The following CHERP variants were observed in gnomAD, a reference collection of about 807,000 sequenced individuals.
CHERP encodes ERPROT 213-21.
A neutral mutation model predicts 113.8 loss-of-function variants in CHERP; 8 were observed. That is an observed-to-expected ratio of 0.07 (90% CI 0.04 to 0.13). The LOEUF is 0.13. CHERP is among the 10% of genes least tolerant of loss of function. The probability of loss-of-function intolerance (pLI) is 1.00; values close to 1 mark genes in which losing one functional copy is unlikely to be tolerated. For synonymous variants in CHERP, 559 were observed against 524.5 expected (o/e 1.07, Z -0.90); for missense variants, 884 against 1,298.2 (o/e 0.68, Z 4.90).
rs536324751 is a variant in CHERP, at chr19:16,542,264, C to T, written c.25+90G>A. 1.1e-3 allele frequency: 1,366 copies of T among 1,249,302 alleles called. 26 individuals are homozygous for T. The South Asian group carries it at 0.023, about 21-fold the overall frequency. The allele number at this position is 1,249,302 out of a possible 1,614,324, so 77.4% of individuals were successfully genotyped here. On this transcript the variant is annotated intron_variant, in intron 1 of 16. Transcript: ENST00000546361. The stretch of plus-strand genomic sequence containing the variant: ...AAGCCGCGAGGCCGAGCCCCGCCCC[C>T]TCCCAGACCCGGGGACTCCGGGAGG...
Position 16,532,466 on chromosome 19 carries a change from G to A in CHERP, c.674+132C>T. 1 of 1,156,294 alleles carries A rather than the reference G, an allele frequency of 8.6e-7. No individual in the cohort carries two copies. The highest frequency in any genetic ancestry group is 1.2e-6 in the Non-Finnish European group (1 of 846,734). 71.6% of individuals were successfully genotyped at this position (1,156,294 alleles called of 1,614,324 possible). On this transcript the variant is annotated intron_variant, in intron 5 of 16. Transcript: ENST00000546361. The surrounding 1 kb of genome is among the most constrained non-coding windows in gnomAD (Gnocchi z 4.4). ...TGGCTCACAGAGACCCCCCACCCGG[G>A]GTCCCCGGACAAGTGCCCCCTAGTC... is the stretch of plus-strand genomic sequence containing the variant.
Position 16,530,162 on chromosome 19 carries a change from C to A in CHERP, c.877-262G>T, listed in dbSNP as rs1188308731. Among the ~76,000 whole-genome samples, 3 of 152,234 alleles carry A rather than the reference C, an allele frequency of 2.0e-5. No homozygotes were observed. The highest frequency in any genetic ancestry group is 6.5e-5 in the Admixed American group (1 of 15,290). Reference sequence around the variant, plus strand: ...ACGAGCAACGACAGCCGTGTCCTGGCCGCTTCGTGGCTGCTCAGCGAACAC... The same window carrying A: ...ACGAGCAACGACAGCCGTGTCCTGGACGCTTCGTGGCTGCTCAGCGAACAC... On this transcript the variant is annotated intron_variant, in intron 7 of 16. Coordinates refer to ENST00000546361, the MANE Select transcript of CHERP (RefSeq NM_006387.6). The surrounding 1 kb of genome is among the most constrained non-coding windows in gnomAD (Gnocchi z 4.1).
chr19:16,519,949 G>A lies in CHERP; in HGVS notation c.2462+200C>T. 1 of 672,242 alleles carries A rather than the reference G, an allele frequency of 1.5e-6. No homozygotes were observed. Among genetic ancestry groups the A allele is most frequent in the South Asian group, 1.8e-5 (1 of 54,378 alleles). The allele number at this position is 672,242 out of a possible 1,614,324, so 41.6% of individuals were successfully genotyped here. A position where few individuals can be genotyped will look rare whatever the true frequency, so the allele number is the denominator to read the frequency against. ...GAGCAGGACACCTCCAACCCAGATG[G>A]TGGTTAGAAAGCAGACCCCAGTTAC... On this transcript the variant is annotated intron_variant, in intron 15 of 16. Coordinates refer to ENST00000546361, the MANE Select transcript of CHERP (RefSeq NM_006387.6). The surrounding 1 kb of genome is among the most constrained non-coding windows in gnomAD (Gnocchi z 6.0).
chr19:16,525,662 G>T lies in CHERP; in HGVS notation c.1321C>A (p.Pro441Thr). The change falls in exon 10 of 17, where the codon CCC becomes ACC. Residue 441 changes from proline to threonine, a missense_variant. Around this residue, in one of 8 missense-constraint regions of CHERP, gnomAD observed 464 missense variants for 590.1 expected, o/e 0.79. Coordinates refer to ENST00000546361, the MANE Select transcript of CHERP (RefSeq NM_006387.6). The surrounding 1 kb of genome is among the most constrained non-coding windows in gnomAD (Gnocchi z 6.5). ...WGQQQPPEQP[P>T]YPHHQGGPPH... ...GGGCCGCCCTGGTGGTGCGGGTAGGGTGGCTGCTCTGGCGGCTGCAAGGGA... is the reference window on the plus strand; with the variant it reads ...GGGCCGCCCTGGTGGTGCGGGTAGGTTGGCTGCTCTGGCGGCTGCAAGGGA... 2 of 1,518,398 alleles carry T rather than the reference G, an allele frequency of 1.3e-6. No homozygotes were observed. The highest frequency in any genetic ancestry group is 8.8e-7 in the Non-Finnish European group (1 of 1,134,382). 94.1% of individuals were successfully genotyped at this position (1,518,398 alleles called of 1,614,324 possible).
Position 16,532,886 on chromosome 19 carries a change from AG to A in CHERP, c.522+124del. 4 of 1,515,042 alleles carry A rather than the reference AG, an allele frequency of 2.6e-6. No homozygotes were observed. Among genetic ancestry groups the A allele is most frequent in the Non-Finnish European group, 3.6e-6 (4 of 1,124,084 alleles). The allele number at this position is 1,515,042 out of a possible 1,614,324, so 93.8% of individuals were successfully genotyped here. ...GGGGGGCACAGGGTCCCACAGCCTC[AG>A]GAGCTCCAGGCGGGAGGGAAGGGCA... On this transcript the variant is annotated intron_variant, in intron 4 of 16. Transcript: ENST00000546361. This position sits in a 1 kb window ranked among gnomAD's most constrained non-coding sequence, Gnocchi z 4.4.
rs538779102 is a variant in CHERP at position 16,528,769 on chromosome 19, C to T, written c.1130-514G>A. ...GAGATCGAGACCATCCTGGCTAACA[C>T]GGTGAAACCCCGTCTCTACTAAAAA... On this transcript the variant is annotated intron_variant, in intron 8 of 16. Coordinates refer to ENST00000546361, the MANE Select transcript of CHERP (RefSeq NM_006387.6). Among the ~76,000 whole-genome samples the T allele has an allele frequency of 9.2e-5, 14 of 152,220 alleles. No individual in the cohort carries two copies. In the South Asian group the frequency reaches 1.0e-3, roughly 11 times the overall value.
chr19:16,535,380 T>C lies in CHERP; in HGVS notation c.384+72A>G. 6.6e-7 allele frequency: 1 copy of C among 1,510,070 alleles called. No homozygotes were observed. Among genetic ancestry groups the C allele is most frequent in the South Asian group, 1.2e-5 (1 of 83,670 alleles). 93.5% of individuals were successfully genotyped at this position (1,510,070 alleles called of 1,614,324 possible). A position where few individuals can be genotyped will look rare whatever the true frequency, so the allele number is the denominator to read the frequency against. ...CCTCACTGACACCTGTTATTCATTC[T>C]GATGAGCAGACGCAAAAACAGAGGC... On this transcript the variant is annotated intron_variant, in intron 3 of 16. Transcript: ENST00000546361. The surrounding 1 kb of genome is among the most constrained non-coding windows in gnomAD (Gnocchi z 4.3).
chr19:16,523,012 G>A lies in CHERP; in HGVS notation c.1980+40C>T, dbSNP rs770259450. The A allele has an allele frequency of 6.7e-7, 1 of 1,487,872 alleles. No homozygotes were observed. Among genetic ancestry groups the A allele is most frequent in the East Asian group, 2.6e-5 (1 of 38,574 alleles). The allele number at this position is 1,487,872 out of a possible 1,614,324, so 92.2% of individuals were successfully genotyped here. A position where few individuals can be genotyped will look rare whatever the true frequency, so the allele number is the denominator to read the frequency against. On this transcript the variant is annotated intron_variant, in intron 11 of 16. Transcript: ENST00000546361. This position sits in a 1 kb window ranked among gnomAD's most constrained non-coding sequence, Gnocchi z 4.0. The stretch of plus-strand genomic sequence containing the variant: ...CACAAGGAGAAACGGGGACCAGTAT[G>A]GTAAGCGTGCTCAGCTTGGAGCCCA...
In CHERP at chr19:16,530,390, C is replaced by G. The variant is rs1296646191; in HGVS notation, c.876+195G>C. ...CCTGGTTCTAGTGTTCCAGGAAAGT[C>G]AGGGAGACACACCTAAGGCCTGGGA... is the stretch of plus-strand genomic sequence containing the variant. On this transcript the variant is annotated intron_variant, in intron 7 of 16. Coordinates refer to ENST00000546361, the MANE Select transcript of CHERP (RefSeq NM_006387.6). The surrounding 1 kb of genome is among the most constrained non-coding windows in gnomAD (Gnocchi z 4.1). Among the ~76,000 whole-genome samples the G allele has an allele frequency of 6.6e-6, 1 of 152,218 alleles. No homozygotes were observed. The highest frequency in any genetic ancestry group is 1.5e-5 in the Non-Finnish European group (1 of 68,034).
intron 1 of CHERP, 33 bp from the exon 2 acceptor site, chr19:16,542,076 C>T (rs1179713508): frequency 3.1e-6 from 5 of 1,588,044 alleles, no homozygotes; most frequent in African/African-American, 2.7e-5. Context: ...CGCGGGGCGT[C>T]AGCGAGGACC....
chr19:16,522,949 G>T (rs995749757), intron 11 of CHERP, 103 bp downstream of exon 11: 19 of 1,345,724 alleles, frequency 1.4e-5, no homozygotes, highest in Non-Finnish European at 1.9e-5. Context: ...AGATGAAGGG[G>T]AGCCCCGGAA....
At position 16,519,814 on chromosome 19, in the gene CHERP, A is replaced by G; in HGVS notation, c.2463-99T>C. Reference sequence around the variant, plus strand: ...ACAGCCGCAGCTTGCGTGCATGCTCACTGTCACCAGGTGACACCGTATGCA... The same window carrying G: ...ACAGCCGCAGCTTGCGTGCATGCTCGCTGTCACCAGGTGACACCGTATGCA... On this transcript the variant is annotated intron_variant, in intron 15 of 16. Transcript: ENST00000546361. The surrounding 1 kb of genome is among the most constrained non-coding windows in gnomAD (Gnocchi z 6.0). 2 of 1,032,138 alleles carry G rather than the reference A, an allele frequency of 1.9e-6. No homozygotes were observed. Among genetic ancestry groups the G allele is most frequent in the South Asian group, 1.3e-5 (1 of 77,618 alleles). 63.9% of individuals were successfully genotyped at this position (1,032,138 alleles called of 1,614,324 possible). A position where few individuals can be genotyped will look rare whatever the true frequency, so the allele number is the denominator to read the frequency against.
intron 9 of CHERP, 118 bp downstream of exon 9, chr19:16,527,962 A>G (rs1470784581): frequency 1.6e-5 from 16 of 1,020,906 alleles, no homozygotes; most frequent in Non-Finnish European, 2.0e-5. Context: ...GCTCTGCCAC[A>G]GAATATCCCT....
Position 16,535,032 on chromosome 19 carries a change from C to T in CHERP, c.384+420G>A, listed in dbSNP as rs1262800177. Among the ~76,000 whole-genome samples the T allele has an allele frequency of 2.6e-5, 4 of 151,776 alleles. No individual in the cohort carries two copies. The highest frequency in any genetic ancestry group is 4.4e-5 in the Non-Finnish European group (3 of 67,910). The stretch of plus-strand genomic sequence containing the variant: ...TAGGGGCTGCAGTGAGCTGAGATCA[C>T]GCCTCTGCACTCCAGCCTGGGCGAC... On this transcript the variant is annotated intron_variant, in intron 3 of 16. Coordinates refer to ENST00000546361, the MANE Select transcript of CHERP (RefSeq NM_006387.6). The surrounding 1 kb of genome is among the most constrained non-coding windows in gnomAD (Gnocchi z 4.3).
Position 16,532,327 on chromosome 19 carries a change from C to G in CHERP, c.674+271G>C, listed in dbSNP as rs74953149. 2.4e-6 allele frequency: 1 copy of G among 422,092 alleles called. No individual in the cohort carries two copies. The highest frequency in any genetic ancestry group is 2.0e-5 in the African/African-American group (1 of 49,610). 26.1% of individuals were successfully genotyped at this position (422,092 alleles called of 1,614,324 possible). A position where few individuals can be genotyped will look rare whatever the true frequency, so the allele number is the denominator to read the frequency against. On this transcript the variant is annotated intron_variant, in intron 5 of 16. Transcript: ENST00000546361. The surrounding 1 kb of genome is among the most constrained non-coding windows in gnomAD (Gnocchi z 4.4). ...GAGGAAGGAGTGCAGGGGACAGTGG[C>G]CCCCAGGAGACAGCAATGTGACAGG...
At position 16,520,158 on chromosome 19, in the gene CHERP, G is replaced by A. The variant is rs968217758; in HGVS notation, c.2453C>T (p.Pro818Leu). 1.2e-6 allele frequency: 2 copies of A among 1,612,178 alleles called. No individual in the cohort carries two copies. Among genetic ancestry groups the A allele is most frequent in the African/African-American group, 2.7e-5 (2 of 74,912 alleles). ...TAAGACAGGATCTTACGGCGGGGTG[G>A]GGCTCCTGGACCGTGACCGGCGTCT... ...GRRRRSRSRS[P>L]TPPSSAGLGS... The change falls in exon 15 of 17, where the codon CCC becomes CTC. Residue 818 changes from proline (P) to leucine (L), a missense_variant. By Grantham distance (98) the Pro-to-Leu change is moderately conservative. Transcript: ENST00000546361. The surrounding 1 kb of genome is among the most constrained non-coding windows in gnomAD (Gnocchi z 4.0).
chr19:16,536,071 G>A (rs2085739311), intron 2 of CHERP, among the ~76,000 whole-genome samples: 1 of 152,142 alleles, frequency 6.6e-6, no homozygotes, highest in Non-Finnish European at 1.5e-5. Context: ...CCCATTGACT[G>A]TTAAGATGTC....
chr19:16,518,179 T>C lies in CHERP; in HGVS notation c.*980A>G, dbSNP rs2085563872. On this transcript the variant is annotated 3_prime_UTR_variant, in exon 17 of 17. Coordinates refer to ENST00000546361, the MANE Select transcript of CHERP (RefSeq NM_006387.6). ...TTCCCAACGGTCACCCACCAGCTTC[T>C]GGCAGGAGCAGCTCCCCTCCTGGCC... 6.6e-6 allele frequency: 1 copy of C among 152,162 alleles called. No homozygotes were observed. The highest frequency in any genetic ancestry group is 6.6e-5 in the Admixed American group (1 of 15,264). The allele number at this position is 152,162 out of a possible 1,614,324, so 9.4% of individuals were successfully genotyped here. A position where few individuals can be genotyped will look rare whatever the true frequency, so the allele number is the denominator to read the frequency against.
chr19:16,539,429 G>A (rs1176081837), intron 2 of CHERP, among the ~76,000 whole-genome samples: 1 of 152,188 alleles, frequency 6.6e-6, no homozygotes, highest in Non-Finnish European at 1.5e-5. Context: ...TTACAGGCGT[G>A]AGCCACCGCG....
Sources: allele counts gnomAD v4.1 joint callset (sites outside exome capture counted in the v4.1 genomes callset), GRCh38; gene constraint gnomAD v4.1.1; regional missense constraint gnomAD v4.1.1; non-coding constraint Gnocchi (gnomAD v3.1); transcripts MANE v1.5; gene names NCBI Gene and HGNC (gene_info 2026-07-23, HGNC 2026-07-21).